Variants in OSBPL3 observed in about 807,000 individuals in gnomAD.
OSBPL3 encodes the protein oxysterol binding protein like 3, also known as oxysterol-binding protein-related protein 3.
Under a neutral mutation model 120.1 loss-of-function variants are expected in OSBPL3, and 65 were observed. That is an observed-to-expected ratio of 0.54 (90% confidence interval 0.44 to 0.67). OSBPL3 has a LOEUF of 0.67. Ranked by LOEUF, OSBPL3 falls within the 30% of genes least tolerant of loss-of-function variation. The probability of loss-of-function intolerance (pLI) is 0.00; values close to 1 mark genes in which losing one functional copy is unlikely to be tolerated. For missense variants in OSBPL3, 1,004 were observed against 1,082.1 expected (o/e 0.93, Z 1.01); for synonymous variants, 416 against 402.6 (o/e 1.03, Z -0.40).
intron 20 of OSBPL3, among the ~76,000 whole-genome samples, chr7:24,809,275 G>C (rs1276150108): frequency 6.6e-6 from 1 of 152,128 alleles, no homozygotes; most frequent in East Asian, 1.9e-4. Context: ...AAGTATGGTG[G>C]GGACATGCTG....
Position 24,842,561 on chromosome 7 carries a change from G to A in OSBPL3, c.1267-148C>T, listed in dbSNP as rs73691254. On this transcript the variant is annotated intron_variant, in intron 12 of 22. Transcript: ENST00000313367. ...GAAGTCAGCTCCAACACTGAGATGC[G>A]AGCCTCATGCAAAACACAAAAGTTC... The A allele has an allele frequency of 6.5e-3, 4,122 of 634,912 alleles. 44 individuals are homozygous for A. The highest frequency in any genetic ancestry group is 0.038 in the African/African-American group (2,055 of 53,998). 39.3% of individuals were successfully genotyped at this position (634,912 alleles called of 1,614,324 possible).
chr7:24,889,869 G>A (rs529767956), intron 2 of OSBPL3, among the ~76,000 whole-genome samples: 62 of 152,226 alleles, frequency 4.1e-4, no homozygotes, highest in Non-Finnish European at 7.2e-4. Context: ...GGGAGACACA[G>A]CCTCACAGCC....
At chr7:24,856,067 T>C (rs1799804209) in intron 10 of OSBPL3, among the ~76,000 whole-genome samples, 1 of 152,216 alleles carries the variant, frequency 6.6e-6, no homozygotes, top group Admixed American at 6.5e-5. Context: ...CTCTTCACTG[T>C]CAAAGAGGAG....
In OSBPL3 at chr7:24,806,994, AT is replaced by A; in HGVS notation, c.2318-93del. The A allele has an allele frequency of 8.9e-7, 1 of 1,129,746 alleles. No individual in the cohort carries two copies. The highest frequency in any genetic ancestry group is 1.2e-6 in the Non-Finnish European group (1 of 800,766). 70.0% of individuals were successfully genotyped at this position (1,129,746 alleles called of 1,614,324 possible). A position where few individuals can be genotyped will look rare whatever the true frequency, so the allele number is the denominator to read the frequency against. ...CCTTTTTCGTCTCAGCCTAGCTACA[AT>A]TTTTCTCTCTCAGCTCCCTTCCATT... On this transcript the variant is annotated intron_variant, in intron 20 of 22. Transcript: ENST00000313367. This position sits in a 1 kb window ranked among gnomAD's most constrained non-coding sequence, Gnocchi z 5.2.
intron 14 of OSBPL3, among the ~76,000 whole-genome samples, chr7:24,840,250 A>G (rs1306062396): frequency 6.6e-6 from 1 of 152,042 alleles, no homozygotes; most frequent in African/African-American, 2.4e-5. Flanking sequence ...TGAACAACAC[A>G]GGTTTGAACC....
At chr7:24,836,412 T>G (rs1468803920) in intron 14 of OSBPL3, among the ~76,000 whole-genome samples, 2 of 152,228 alleles carry the variant, frequency 1.3e-5, no homozygotes. Flanking sequence ...CTTTGCTGAA[T>G]TGTCTGCCTT....
At chr7:24,860,361 A>G (rs1800355542) in intron 10 of OSBPL3, among the ~76,000 whole-genome samples, 1 of 152,192 alleles carries the variant, frequency 6.6e-6, no homozygotes, top group South Asian at 2.1e-4. Context: ...TATAGCTCCC[A>G]TAATTCCCAT....
intron 2 of OSBPL3, among the ~76,000 whole-genome samples, chr7:24,889,321 A>G (rs187723953): frequency 4.2e-4 from 64 of 152,348 alleles, no homozygotes; most frequent in Middle Eastern, 3.4e-3. Context: ...GAAACAGAGG[A>G]TGGAATGGTA....
At position 24,849,111 on chromosome 7, in the gene OSBPL3, G is replaced by A. The variant is rs61756142; in HGVS notation, c.1224C>T (p.Leu408=). The A allele has an allele frequency of 5.7e-3, 9,203 of 1,614,016 alleles. 211 individuals are homozygous for A. The East Asian group carries it at 0.08, about 14-fold the overall frequency. The stretch of plus-strand genomic sequence containing the variant: ...CCGACTTGGCGACAGCGGGGGAGTC[G>A]AGGAGCAGAGACTCGGCATGGATTC... The part of the protein sequence containing the change: ...LRRIHAESLL[L]DSPAVAKSGD... The change falls in exon 12 of 23, where the codon CTC becomes CTT. Residue 408 remains leucine, a synonymous_variant. Coordinates refer to ENST00000313367, the MANE Select transcript of OSBPL3 (RefSeq NM_015550.4). This position sits in a 1 kb window ranked among gnomAD's most constrained non-coding sequence, Gnocchi z 5.4.
At chr7:24,826,999 C>T (rs1444079420) in intron 16 of OSBPL3, among the ~76,000 whole-genome samples, 1 of 152,160 alleles carries the variant, frequency 6.6e-6, no homozygotes, top group Non-Finnish European at 1.5e-5. Flanking sequence ...AGACTGTTGT[C>T]TAGAAAACTC....
At chr7:24,950,519 G>A (rs1394604473) in intron 1 of OSBPL3, among the ~76,000 whole-genome samples, 1 of 151,750 alleles carries the variant, frequency 6.6e-6, no homozygotes, top group African/African-American at 2.4e-5. Flanking sequence ...TCAGGAGATC[G>A]AAACCATCCT....
chr7:24,816,506 A>C, intron 18 of OSBPL3, 104 bp downstream of exon 18: 1 of 736,890 alleles, frequency 1.4e-6, no homozygotes, highest in Non-Finnish European at 2.5e-6. Context: ...GAAAAAATAC[A>C]CACTCAATGC....
chr7:24,834,400 G>A lies in OSBPL3; in HGVS notation c.1746+86C>T. 1.3e-6 allele frequency: 2 copies of A among 1,541,338 alleles called. No individual in the cohort carries two copies. Among genetic ancestry groups the A allele is most frequent in the Non-Finnish European group, 1.7e-6 (2 of 1,145,162 alleles). The stretch of plus-strand genomic sequence containing the variant: ...ATCAAAATGAAACCGGAGGGAACAG[G>A]GGCTGTCTCTCTGATGGGCCCCGTG... On this transcript the variant is annotated intron_variant, in intron 15 of 22. Transcript: ENST00000313367. This position sits in a 1 kb window ranked among gnomAD's most constrained non-coding sequence, Gnocchi z 5.2.
chr7:24,870,870 T>A, intron 4 of OSBPL3, 25 bp from the exon 5 acceptor site: 2 of 1,449,388 alleles, frequency 1.4e-6, no homozygotes, highest in South Asian at 2.3e-5. Flanking sequence ...AGAGGGTCAC[T>A]TGGGGACCAT....
chr7:24,897,907 A>AG (rs1806416842), intron 1 of OSBPL3, among the ~76,000 whole-genome samples: 1 of 152,220 alleles, frequency 6.6e-6, no homozygotes, highest in South Asian at 2.1e-4. Context: ...GTTTTGCTTG[A>AG]GAAACAGATT....
rs113222813 is a variant in OSBPL3, at chr7:24,824,174, G to A, written c.1885-3936C>T. Reference sequence around the variant, plus strand: ...AATTAGTACACATGGTTTTTATTACGCAAGTATTTATATGGTAACACATGT... The same window carrying A: ...AATTAGTACACATGGTTTTTATTACACAAGTATTTATATGGTAACACATGT... On this transcript the variant is annotated intron_variant, in intron 16 of 22. Coordinates refer to ENST00000313367, the MANE Select transcript of OSBPL3 (RefSeq NM_015550.4). The surrounding 1 kb of genome is among the most constrained non-coding windows in gnomAD (Gnocchi z 4.9). Among the ~76,000 whole-genome samples, 24 of 152,186 alleles carry A rather than the reference G, an allele frequency of 1.6e-4. No homozygotes were observed. The highest frequency in any genetic ancestry group is 4.6e-4 in the African/African-American group (19 of 41,526).
At chr7:24,825,025 A>G (rs186610464) in intron 16 of OSBPL3, among the ~76,000 whole-genome samples, 5 of 152,322 alleles carry the variant, frequency 3.3e-5, no homozygotes, top group Admixed American at 3.3e-4. Context: ...GAAGTGTCTG[A>G]GGGTGAGATT....
chr7:24,828,586 G>T (rs1422014125), intron 16 of OSBPL3, among the ~76,000 whole-genome samples: 2 of 118,766 alleles, frequency 1.7e-5, no homozygotes, highest in Non-Finnish European at 3.3e-5. Flanking sequence ...CAGCCTGGGC[G>T]ACAAAGTGAG....
Position 24,818,470 on chromosome 7 carries a change from C to T in OSBPL3, c.1948+1705G>A, listed in dbSNP as rs1362187698. 4.6e-5 allele frequency among the ~76,000 whole-genome samples: 7 copies of T among 152,108 alleles called. No individual in the cohort carries two copies. Among genetic ancestry groups the T allele is most frequent in the South Asian group, 2.1e-4 (1 of 4,814 alleles). On this transcript the variant is annotated intron_variant, in intron 17 of 22. Transcript: ENST00000313367. The surrounding 1 kb of genome is among the most constrained non-coding windows in gnomAD (Gnocchi z 4.0). ...GTTGGGAAGGGAAAATGGAAGTATACTTCTGTAAATCTCACTATATGAAAC... is the reference window on the plus strand; with the variant it reads ...GTTGGGAAGGGAAAATGGAAGTATATTTCTGTAAATCTCACTATATGAAAC...
Sources: allele counts gnomAD v4.1 joint callset (sites outside exome capture counted in the v4.1 genomes callset), GRCh38; gene constraint gnomAD v4.1.1; non-coding constraint Gnocchi (gnomAD v3.1); transcripts MANE v1.5; gene names NCBI Gene and HGNC (gene_info 2026-07-23, HGNC 2026-07-21).